DNAH5: variants seen among roughly 807,000 people sequenced by gnomAD.
DNAH5 encodes the protein axonemal beta dynein heavy chain 5.
Under a neutral mutation model 518.2 loss-of-function variants are expected in DNAH5, and 372 were observed. The observed-to-expected ratio is 0.72, with a 90% CI of 0.66 to 0.78. The LOEUF (loss-of-function observed/expected upper bound fraction) is 0.78, where lower values mean the gene tolerates loss of function less well. DNAH5 is among the 30% of genes least tolerant of loss of function. The pLI is 0.00. For missense variants in DNAH5, 5,523 were observed against 5,687.0 expected (o/e 0.97, Z 0.93); for synonymous variants, 2,039 against 2,025.9 (o/e 1.01, Z -0.17).
chr5:13,754,841 G>C (rs967868896), intron 61 of DNAH5, among the ~76,000 whole-genome samples: 2 of 151,968 alleles, frequency 1.3e-5, no homozygotes, highest in South Asian at 2.1e-4. Context: ...CCTGACCAGT[G>C]CTTAGTTCTT....
In DNAH5 at chr5:13,718,968, A is replaced by G; in HGVS notation, c.12413T>C (p.Phe4138Ser). 1 of 1,614,078 alleles carries G rather than the reference A, an allele frequency of 6.2e-7. No homozygotes were observed. Among genetic ancestry groups the G allele is most frequent in the Non-Finnish European group, 8.5e-7 (1 of 1,179,996 alleles). Residue 4138 changes from phenylalanine to serine, a missense_variant, in exon 72 of 79, where the codon TTT becomes TCT. Phe to Ser is a radical substitution (Grantham distance 155). Around this residue, in one of 3 missense-constraint regions of DNAH5, gnomAD observed 5,121 missense variants for 5,223.3 expected, o/e 0.98. Coordinates refer to ENST00000265104, the MANE Select transcript of DNAH5 (RefSeq NM_001369.3). ...LWMTTEAHKQ[F>S]PITLLQMSIK... ...GGACATCTGAAGGAGTGTAATGGGA[A>G]ACTGCTTATGAGCCTCGGTGGTCAT...
Position 13,882,640 on chromosome 5 carries a change from G to T in DNAH5, c.3262+88C>A, listed in dbSNP as rs975798866. 13 of 1,012,032 alleles carry T rather than the reference G, an allele frequency of 1.3e-5. No individual in the cohort carries two copies. The African/African-American group carries it at 1.7e-4, about 14-fold the overall frequency. 62.7% of individuals were successfully genotyped at this position (1,012,032 alleles called of 1,614,324 possible). On this transcript the variant is annotated intron_variant, in intron 21 of 78. Coordinates refer to ENST00000265104, the MANE Select transcript of DNAH5 (RefSeq NM_001369.3). ...TTAATATTCTGATGTAAAATAAATT[G>T]AGAATTACATGGAGGGGTTAAAAAA...
chr5:13,755,789 G>T (rs1163317664), intron 61 of DNAH5, among the ~76,000 whole-genome samples: 6 of 152,062 alleles, frequency 3.9e-5, no homozygotes, highest in African/African-American at 9.7e-5. Context: ...CTTTTTATTT[G>T]TAACATACTT....
chr5:13,935,658 C>G (rs892666584), intron 1 of DNAH5, among the ~76,000 whole-genome samples: 1 of 152,108 alleles, frequency 6.6e-6, no homozygotes, highest in Non-Finnish European at 1.5e-5. Flanking sequence ...TTTTTAACTA[C>G]CATAAAAAAG....
chr5:13,692,029 T>C lies in DNAH5; in HGVS notation c.13830A>G (p.Glu4610=). The change falls in exon 79 of 79, where the codon GAA becomes GAG. Residue 4610 remains glutamate (E), a synonymous_variant. Coordinates refer to ENST00000265104, the MANE Select transcript of DNAH5 (RefSeq NM_001369.3). The part of the protein sequence containing the change: ...AVDLRTAQTP[E]HWVLRGVALL... ...GGGCAACCCCACGGAGCACCCAGTG[T>C]TCAGGGGTCTGGGCTGTCCTGAGAT... The C allele has an allele frequency of 6.2e-7, 1 of 1,614,130 alleles. No individual in the cohort carries two copies. Among genetic ancestry groups the C allele is most frequent in the Non-Finnish European group, 8.5e-7 (1 of 1,180,010 alleles).
rs1264963555 is a variant in DNAH5 at position 13,798,186 on chromosome 5, T to C, written c.7888-4128A>G. On this transcript the variant is annotated intron_variant, in intron 47 of 78. Transcript: ENST00000265104. ...ACCTGCACACTGTGCACATGTATCC[T>C]AGAACAACTTAAAGTATAATAAAAT... Among the ~76,000 whole-genome samples the C allele has an allele frequency of 3.3e-5, 5 of 152,076 alleles. No homozygotes were observed. The East Asian group carries it at 9.6e-4, about 29-fold the overall frequency.
In DNAH5 at chr5:13,859,300, C is replaced by T. The variant is rs533258108; in HGVS notation, c.4950+152G>A. 8.5e-6 allele frequency: 7 copies of T among 820,230 alleles called. No individual in the cohort carries two copies. The East Asian group carries it at 1.9e-4, about 22-fold the overall frequency. The allele number at this position is 820,230 out of a possible 1,614,324, so 50.8% of individuals were successfully genotyped here. A position where few individuals can be genotyped will look rare whatever the true frequency, so the allele number is the denominator to read the frequency against. On this transcript the variant is annotated intron_variant, in intron 30 of 78. Coordinates refer to ENST00000265104, the MANE Select transcript of DNAH5 (RefSeq NM_001369.3). ...TTTCCTTTCCACAATTCCTCACTCCCTTTGAAGAATAACAGCATTAACAGT... is the reference window on the plus strand; with the variant it reads ...TTTCCTTTCCACAATTCCTCACTCCTTTTGAAGAATAACAGCATTAACAGT...
chr5:13,906,371 T>C (rs1006843869), intron 12 of DNAH5, among the ~76,000 whole-genome samples: 1 of 152,282 alleles, frequency 6.6e-6, no homozygotes, highest in African/African-American at 2.4e-5. Context: ...AGGGGGAATA[T>C]AGTAAATCTC....
intron 72 of DNAH5, 74 bp downstream of exon 72, chr5:13,718,808 C>T: frequency 7.9e-7 from 1 of 1,266,862 alleles, no homozygotes; most frequent in African/African-American, 1.5e-5. Context: ...CCTAGCTAAT[C>T]CTTTTATAAT....
At chr5:14,011,533 C>T (rs1026748813) in intron 1 of DNAH5, among the ~76,000 whole-genome samples, 6 of 152,206 alleles carry the variant, frequency 3.9e-5, no homozygotes, top group Non-Finnish European at 8.8e-5. Context: ...CGAGCCCCTC[C>T]CTGGTCTCTG....
At chr5:13,713,828 T>A (rs1249000999) in intron 75 of DNAH5, among the ~76,000 whole-genome samples, 6 of 151,922 alleles carry the variant, frequency 3.9e-5, no homozygotes, top group African/African-American at 1.4e-4. Context: ...TGTACCCCAA[T>A]AACTCATGAA....
chr5:13,880,557 T>C lies in DNAH5; in HGVS notation c.3262+2171A>G, dbSNP rs984351100. Among the ~76,000 whole-genome samples the C allele has an allele frequency of 3.9e-5, 6 of 152,050 alleles. No individual in the cohort carries two copies. In the East Asian group the frequency reaches 1.2e-3, roughly 29 times the overall value. On this transcript the variant is annotated intron_variant, in intron 21 of 78. Coordinates refer to ENST00000265104, the MANE Select transcript of DNAH5 (RefSeq NM_001369.3). ...TGTGACACCAAAAACTTAAAATGTATGAGGTGGGGAGTAAAAGTATAGAAT... is the reference window on the plus strand; with the variant it reads ...TGTGACACCAAAAACTTAAAATGTACGAGGTGGGGAGTAAAAGTATAGAAT...
intron 1 of DNAH5, among the ~76,000 whole-genome samples, chr5:13,989,357 G>A (rs1271377581): frequency 1.3e-5 from 2 of 150,248 alleles, no homozygotes; most frequent in South Asian, 2.1e-4. Context: ...TAATTAAGTC[G>A]AAAGACATTT....
Position 13,889,635 on chromosome 5 carries a change from G to C in DNAH5, c.2577+1341C>G, listed in dbSNP as rs1314369973. ...ACACCTGATTCCTTCTGGGAGTCTG[G>C]AATTCTGGTCCATGCTAAGCAGAGT... is the stretch of plus-strand genomic sequence containing the variant. On this transcript the variant is annotated intron_variant, in intron 17 of 78. Coordinates refer to ENST00000265104, the MANE Select transcript of DNAH5 (RefSeq NM_001369.3). Among the ~76,000 whole-genome samples the C allele has an allele frequency of 4.6e-5, 7 of 152,182 alleles. No individual in the cohort carries two copies. In the East Asian group the frequency reaches 1.3e-3, roughly 29 times the overall value.
rs992598879 is a variant in DNAH5, at chr5:13,864,585, T to C, written c.4408A>G (p.Lys1470Glu). The change falls in exon 28 of 79, where the codon AAG becomes GAG. Residue 1470 changes from lysine to glutamate, a missense_variant. Physicochemically the swap from Lys to Glu is moderately conservative, Grantham distance 56 (BLOSUM62 1). Around this residue, in one of 3 missense-constraint regions of DNAH5, gnomAD observed 5,121 missense variants for 5,223.3 expected, o/e 0.98. Coordinates refer to ENST00000265104, the MANE Select transcript of DNAH5 (RefSeq NM_001369.3). ...TCGCTGAAATCATCAATGATCTTCT[T>C]CAGGTCCAAAAAAGCCTGCCAGTCC... ...LKDWQAFLDL[K>E]KIIDDFSECC... 1 of 1,614,120 alleles carries C rather than the reference T, an allele frequency of 6.2e-7. No homozygotes were observed.
At chr5:13,862,116 T>C (rs949335721) in intron 29 of DNAH5, among the ~76,000 whole-genome samples, 7 of 152,178 alleles carry the variant, frequency 4.6e-5, no homozygotes, top group African/African-American at 1.7e-4. Flanking sequence ...ATAATGTTCC[T>C]CCTGGATTCT....
intron 1 of DNAH5, among the ~76,000 whole-genome samples, chr5:13,935,964 A>C (rs2152016875): frequency 6.6e-6 from 1 of 152,348 alleles, no homozygotes; most frequent in Middle Eastern, 3.4e-3. Flanking sequence ...GAACATGGCC[A>C]GAAATCTATT....
chr5:13,699,715 T>C (rs893630819), intron 78 of DNAH5, among the ~76,000 whole-genome samples: 4 of 152,174 alleles, frequency 2.6e-5, no homozygotes, highest in African/African-American at 9.7e-5. Context: ...CTCTGTCTCA[T>C]ATAAATAAAT....
intron 35 of DNAH5, among the ~76,000 whole-genome samples, chr5:13,833,046 A>G (rs1439126153): frequency 6.6e-6 from 1 of 151,456 alleles, no homozygotes; most frequent in Non-Finnish European, 1.5e-5. Flanking sequence ...TTCTTCCTTG[A>G]GAACTTGGTT....
Sources: allele counts gnomAD v4.1 joint callset (sites outside exome capture counted in the v4.1 genomes callset), GRCh38; gene constraint gnomAD v4.1.1; regional missense constraint gnomAD v4.1.1; transcripts MANE v1.5; gene names NCBI Gene and HGNC (gene_info 2026-07-23, HGNC 2026-07-21).